TRDN: variants seen among roughly 807,000 people sequenced by gnomAD.
TRDN encodes the protein triadin.
TRDN carries 161 observed loss-of-function variants against 149.7 expected under a neutral mutation model. That is an observed-to-expected ratio of 1.08 (90% confidence interval 0.95 to 1.23). TRDN has a LOEUF of 1.23. TRDN is among the 50% of genes most tolerant of loss of function. The pLI is 0.00. For missense variants in TRDN, 896 were observed against 823.5 expected (o/e 1.09, Z -1.08); for synonymous variants, 294 against 250.5 (o/e 1.17, Z -1.64).
intron 12 of TRDN, among the ~76,000 whole-genome samples, chr6:123,395,050 C>T (rs1160613392): frequency 6.6e-6 from 1 of 152,062 alleles, no homozygotes; most frequent in Non-Finnish European, 1.5e-5. Context: ...CACCATTCTG[C>T]TCAGATGTTT....
chr6:123,505,404 C>T (rs1024912306), intron 7 of TRDN, among the ~76,000 whole-genome samples: 18 of 152,010 alleles, frequency 1.2e-4, no homozygotes, highest in African/African-American at 4.3e-4. Flanking sequence ...GGTTAGCTTG[C>T]AAACCAAAAA....
chr6:123,506,886 T>C (rs1322523186), intron 7 of TRDN, among the ~76,000 whole-genome samples: 2 of 152,174 alleles, frequency 1.3e-5, no homozygotes, highest in Non-Finnish European at 2.9e-5. Context: ...CTTTATTATA[T>C]ATCTTGAAAT....
At chr6:123,284,800 A>C (rs931216465) in intron 24 of TRDN, among the ~76,000 whole-genome samples, 2 of 152,110 alleles carry the variant, frequency 1.3e-5, no homozygotes, top group African/African-American at 4.8e-5. Flanking sequence ...GAACTGATAA[A>C]TGAATTCAGC....
chr6:123,408,186 A>G (rs976327299), intron 12 of TRDN, among the ~76,000 whole-genome samples: 2 of 152,222 alleles, frequency 1.3e-5, no homozygotes, highest in Non-Finnish European at 2.9e-5. Flanking sequence ...TAAGTATTCA[A>G]TACCATGTGT....
chr6:123,472,497 G>T (rs924092249), intron 9 of TRDN, among the ~76,000 whole-genome samples: 76 of 152,212 alleles, frequency 5.0e-4, no homozygotes, highest in African/African-American at 1.6e-3. Context: ...CGGCAGCAAG[G>T]CTGGGGGAGG....
chr6:123,636,787 A>C lies in TRDN; in HGVS notation c.-12T>G. ...GTGATCTCAGTCATGGTGGTCGTCA[A>C]AAGTAAAAGTCAGTTGAAAAGTTCC... On this transcript the variant is annotated 5_prime_UTR_variant, in exon 1 of 41. Transcript: ENST00000334268. The C allele has an allele frequency of 6.2e-7, 1 of 1,611,564 alleles. No individual in the cohort carries two copies. The highest frequency in any genetic ancestry group is 8.5e-7 in the Non-Finnish European group (1 of 1,178,368).
rs749118163 is a variant in TRDN at position 123,218,700 on chromosome 6, G to A, written c.2091C>T (p.Tyr697=). ...AAGGAAACTGAAATCCATAGCCATT[G>A]TACCCATCCAAGTAGACACACTGGA... ...SFFQCVYLDG[Y]NGYGFQFPFT... The change falls in exon 41 of 41, where the codon TAC becomes TAT. Residue 697 remains tyrosine, a synonymous_variant. Coordinates refer to ENST00000334268, the MANE Select transcript of TRDN (RefSeq NM_006073.4). The A allele has an allele frequency of 4.4e-6, 7 of 1,595,168 alleles. No homozygotes were observed. The East Asian group carries it at 1.4e-4, about 31-fold the overall frequency.
Position 123,555,565 on chromosome 6 carries a change from A to G in TRDN, c.233-6953T>C, listed in dbSNP as rs183467225. 5.1e-4 allele frequency among the ~76,000 whole-genome samples: 77 copies of G among 152,180 alleles called. No homozygotes were observed. The East Asian group carries it at 9.5e-3, about 19-fold the overall frequency. Reference sequence around the variant, plus strand: ...AGGAAGGATGGCTATATTTGTATATATTGCTTCAGTTCCAGAAGCAACACT... The same window carrying G: ...AGGAAGGATGGCTATATTTGTATATGTTGCTTCAGTTCCAGAAGCAACACT... On this transcript the variant is annotated intron_variant, in intron 2 of 40. Coordinates refer to ENST00000334268, the MANE Select transcript of TRDN (RefSeq NM_006073.4).
intron 38 of TRDN, among the ~76,000 whole-genome samples, chr6:123,225,655 T>C (rs897716650): frequency 1.3e-5 from 2 of 151,648 alleles, no homozygotes; most frequent in Non-Finnish European, 1.5e-5. Context: ...ACATTGTATA[T>C]CAAATATATA....
At chr6:123,352,644 C>T (rs1780511854) in intron 20 of TRDN, 58 bp from the exon 21 acceptor site, 3 of 1,549,500 alleles carry the variant, frequency 1.9e-6, no homozygotes, top group Non-Finnish European at 1.7e-6. Flanking sequence ...TGCTTCTGCT[C>T]AAAAAAAGCA....
chr6:123,225,458 T>A (rs1331219045), intron 38 of TRDN, among the ~76,000 whole-genome samples: 1 of 151,654 alleles, frequency 6.6e-6, no homozygotes, highest in Non-Finnish European at 1.5e-5. Flanking sequence ...TTATCAAATA[T>A]ATTGTATGCT....
chr6:123,261,002 T>TTTTA (rs1297843032), intron 33 of TRDN, among the ~76,000 whole-genome samples: 1 of 151,770 alleles, frequency 6.6e-6, no homozygotes, highest in Non-Finnish European at 1.5e-5. Context: ...ATATTAGAAT[T>TTTTA]TTTATAACAC....
intron 19 of TRDN, among the ~76,000 whole-genome samples, chr6:123,367,203 A>AT (rs1781138456): frequency 6.6e-6 from 1 of 151,744 alleles, no homozygotes. Flanking sequence ...CAGGAAAATA[A>AT]AATAATAATA....
rs1233544557 is a variant in TRDN, at chr6:123,446,246, G to A, written c.932-7243C>T. Reference sequence around the variant, plus strand: ...CTCTGGGGACTGTTGTGGGGTGGGGGGAGTGGGGAGGGATAGCATTGGGAG... The same window carrying A: ...CTCTGGGGACTGTTGTGGGGTGGGGAGAGTGGGGAGGGATAGCATTGGGAG... On this transcript the variant is annotated intron_variant, in intron 10 of 40. Transcript: ENST00000334268. Among the ~76,000 whole-genome samples the A allele has an allele frequency of 1.1e-4, 17 of 151,548 alleles. No homozygotes were observed. The East Asian group carries it at 2.9e-3, about 26-fold the overall frequency.
intron 1 of TRDN, among the ~76,000 whole-genome samples, chr6:123,580,986 G>A (rs978037875): frequency 4.6e-5 from 7 of 152,052 alleles, no homozygotes; most frequent in Non-Finnish European, 8.8e-5. Flanking sequence ...GCCTAGGCTG[G>A]TCTCAAACCC....
At chr6:123,558,671 A>T (rs1339198105) in intron 2 of TRDN, among the ~76,000 whole-genome samples, 1 of 152,188 alleles carries the variant, frequency 6.6e-6, no homozygotes, top group Non-Finnish European at 1.5e-5. Context: ...CCCGACATTA[A>T]ATAAGACTCC....
At chr6:123,425,025 G>C (rs1774057084) in intron 12 of TRDN, among the ~76,000 whole-genome samples, 1 of 152,098 alleles carries the variant, frequency 6.6e-6, no homozygotes. Flanking sequence ...TATGGTACCA[G>C]AACTGAGGTG....
chr6:123,407,878 T>C (rs1277472313), intron 12 of TRDN, among the ~76,000 whole-genome samples: 1 of 152,116 alleles, frequency 6.6e-6, no homozygotes, highest in African/African-American at 2.4e-5. Flanking sequence ...ACTTTTGTAA[T>C]AAGAAATTAT....
intron 28 of TRDN, 104 bp downstream of exon 28, chr6:123,273,233 A>G (rs1257159337): frequency 1.1e-6 from 1 of 921,018 alleles, no homozygotes; most frequent in Non-Finnish European, 1.6e-6. Context: ...AGGCTGTAAT[A>G]AAACATAAAT....
Sources: allele counts gnomAD v4.1 joint callset (sites outside exome capture counted in the v4.1 genomes callset), GRCh38; gene constraint gnomAD v4.1.1; transcripts MANE v1.5; gene names NCBI Gene and HGNC (gene_info 2026-07-23, HGNC 2026-07-21).